ABI2: variants seen among roughly 807,000 people sequenced by gnomAD.
The protein encoded by ABI2 is abelson interactor 2.
A neutral mutation model predicts 59.2 loss-of-function variants in ABI2; 25 were observed. The observed-to-expected ratio is 0.42, with a 90% CI of 0.31 to 0.59. The LOEUF is 0.59. Ranked by LOEUF, ABI2 falls within the 20% of genes least tolerant of loss-of-function variation. The probability of loss-of-function intolerance (pLI) is 0.14; values close to 1 mark genes in which losing one functional copy is unlikely to be tolerated. For synonymous variants in ABI2, 213 were observed against 235.5 expected (o/e 0.90, Z 0.87); for missense variants, 545 against 681.8 (o/e 0.80, Z 2.23).
At chr2:203,369,001 T>A (rs1194517809) in intron 2 of ABI2, among the ~76,000 whole-genome samples, 5 of 127,786 alleles carry the variant, frequency 3.9e-5, no homozygotes, top group South Asian at 2.9e-4. Context: ...TTTTTTTTTT[T>A]TTTTTTTTTT....
At chr2:203,356,236 G>A (rs2091906260) in intron 1 of ABI2, among the ~76,000 whole-genome samples, 1 of 152,104 alleles carries the variant, frequency 6.6e-6, no homozygotes, top group South Asian at 2.1e-4. Flanking sequence ...CACCCAGGCT[G>A]GAGGGCAGTG....
At chr2:203,387,909 T>C (rs2096594184) in intron 4 of ABI2, among the ~76,000 whole-genome samples, 1 of 152,210 alleles carries the variant, frequency 6.6e-6, no homozygotes, top group South Asian at 2.1e-4. Flanking sequence ...GTTTTGCTAC[T>C]TGTCAGGAAA....
chr2:203,370,565 C>G (rs1394761426), intron 2 of ABI2, among the ~76,000 whole-genome samples: 1 of 152,108 alleles, frequency 6.6e-6, no homozygotes, highest in African/African-American at 2.4e-5. Flanking sequence ...TGGCATGGAG[C>G]CTTAGTTTGC....
chr2:203,328,878 C>A, intron 1 of ABI2: 2 of 309,222 alleles, frequency 6.5e-6, no homozygotes, highest in Non-Finnish European at 5.9e-6. Flanking sequence ...CGTCCCGCCT[C>A]CTCGCCGCTC....
intron 1 of ABI2, among the ~76,000 whole-genome samples, chr2:203,330,392 CA>C (rs35505933): frequency 0.8 from 92,426 of 115,808 alleles, 35,737 homozygotes; most frequent in South Asian, 0.84. Flanking sequence ...GACTACATAT[CA>C]AAAAAAAAAA....
At chr2:203,382,869 T>C (rs753689377) in intron 4 of ABI2, among the ~76,000 whole-genome samples, 9 of 152,284 alleles carry the variant, frequency 5.9e-5, no homozygotes, top group Middle Eastern at 3.4e-3. Context: ...AATATAATTA[T>C]ATGCAAAACA....
intron 1 of ABI2, among the ~76,000 whole-genome samples, chr2:203,364,433 G>T (rs1277741887): frequency 6.6e-6 from 1 of 152,132 alleles, no homozygotes; most frequent in Non-Finnish European, 1.5e-5. Flanking sequence ...TTGAACCCGG[G>T]TCTCCTGTGT....
rs779167458 is a variant in ABI2 at position 203,417,053 on chromosome 2, G to A, written c.1425G>A (p.Pro475=). ...YSDPYAEEDP[P]WAPRSYLEKV... The stretch of plus-strand genomic sequence containing the variant: ...ATCCTTATGCTGAAGAGGACCCACC[G>A]TGGGCTCCACGTTCTTACTTGGAAA... The change falls in exon 11 of 12, where the codon CCG becomes CCA. Residue 475 remains proline, a synonymous_variant. Transcript: ENST00000261018. 15 of 1,612,120 alleles carry A rather than the reference G, an allele frequency of 9.3e-6. No homozygotes were observed. Among genetic ancestry groups the A allele is most frequent in the South Asian group, 3.3e-5 (3 of 90,546 alleles).
intron 1 of ABI2, among the ~76,000 whole-genome samples, chr2:203,338,924 G>A (rs1172742625): frequency 7.8e-5 from 7 of 89,210 alleles, no homozygotes; most frequent in Admixed American, 7.5e-4. Context: ...GTGTGTGTGT[G>A]TGTGTATATG....
chr2:203,411,188 T>G, intron 9 of ABI2, 97 bp from the exon 10 acceptor site: 1 of 941,806 alleles, frequency 1.1e-6, no homozygotes, highest in Non-Finnish European at 1.7e-6. Flanking sequence ...TGAATAGTAG[T>G]TTCCCTCCTT....
chr2:203,334,903 C>T (rs534344081), intron 1 of ABI2, among the ~76,000 whole-genome samples: 4 of 152,200 alleles, frequency 2.6e-5, no homozygotes, highest in African/African-American at 9.6e-5. Context: ...TTAGGTGATC[C>T]GCCCGCCTCG....
In ABI2 at chr2:203,362,510, G is replaced by A. The variant is rs545811513; in HGVS notation, c.118-4367G>A. 6.6e-5 allele frequency among the ~76,000 whole-genome samples: 10 copies of A among 151,802 alleles called. No individual in the cohort carries two copies. The East Asian group carries it at 1.9e-3, about 29-fold the overall frequency. On this transcript the variant is annotated intron_variant, in intron 1 of 11. Coordinates refer to ENST00000261018, the MANE Select transcript of ABI2 (RefSeq NM_001375670.1). Reference sequence around the variant, plus strand: ...ATATTTTATTTTGTTTTTTCTACTGGTATTTTATTTATTTTATTTTATTTA... The same window carrying A: ...ATATTTTATTTTGTTTTTTCTACTGATATTTTATTTATTTTATTTTATTTA...
intron 4 of ABI2, among the ~76,000 whole-genome samples, chr2:203,389,870 T>C (rs981287664): frequency 6.6e-6 from 1 of 152,240 alleles, no homozygotes; most frequent in Non-Finnish European, 1.5e-5. Flanking sequence ...TTTGGTGACC[T>C]CCATTATTCC....
At chr2:203,402,553 T>C (rs2097266134) in intron 8 of ABI2, 23 bp from the exon 9 acceptor site, 4 of 1,437,660 alleles carry the variant, frequency 2.8e-6, no homozygotes, top group Non-Finnish European at 3.7e-6. Flanking sequence ...TAATGACATA[T>C]GTATGTTCTA....
At chr2:203,393,578 T>G (rs2096857840) in intron 5 of ABI2, among the ~76,000 whole-genome samples, 1 of 152,226 alleles carries the variant, frequency 6.6e-6, no homozygotes, top group Non-Finnish European at 1.5e-5. Context: ...ATGTATGTAT[T>G]TATGTAAGGA....
intron 2 of ABI2, 114 bp downstream of exon 2, chr2:203,367,158 A>C: frequency 4.5e-6 from 6 of 1,321,042 alleles, no homozygotes; most frequent in Non-Finnish European, 5.9e-6. Context: ...TACGATTTGG[A>C]AAATAGCAAC....
chr2:203,389,996 C>T (rs2096677249), intron 4 of ABI2, among the ~76,000 whole-genome samples: 1 of 152,136 alleles, frequency 6.6e-6, no homozygotes, highest in South Asian at 2.1e-4. Context: ...CTGAATTCAC[C>T]TTCAGTTTGG....
At chr2:203,369,823 C>G (rs191048128) in intron 2 of ABI2, among the ~76,000 whole-genome samples, 25 of 151,994 alleles carry the variant, frequency 1.6e-4, no homozygotes, top group Non-Finnish European at 2.6e-4. Context: ...AGGATCAAGT[C>G]TGAGAAATAG....
At chr2:203,378,269 T>C (rs552071466) in intron 2 of ABI2, among the ~76,000 whole-genome samples, 120 of 152,128 alleles carry the variant, frequency 7.9e-4, no homozygotes, top group East Asian at 5.0e-3. Flanking sequence ...CCCGCCACCA[T>C]GCCCGGCTAA....
Sources: gnomAD v4.1 joint callset for allele counts (sites outside exome capture counted in the v4.1 genomes callset) on GRCh38, gnomAD v4.1.1 for gene constraint, MANE v1.5 for transcripts, NCBI Gene and HGNC (gene_info 2026-07-23, HGNC 2026-07-21) for gene names.